GLIS1: variants seen among roughly 807,000 people sequenced by gnomAD.
The protein encoded by GLIS1 is GLIS family zinc finger 1.
A neutral mutation model predicts 63.8 loss-of-function variants in GLIS1; 24 were observed. The ratio of observed to expected loss-of-function variants is 0.38; its 90% CI spans 0.27 to 0.53. The LOEUF (loss-of-function observed/expected upper bound fraction) is 0.53, where lower values mean the gene tolerates loss of function less well. Among genes scored for constraint, GLIS1 ranks in the 20% least tolerant of loss-of-function variants. The pLI, the probability that GLIS1 is intolerant of heterozygous loss-of-function variation, is 0.85. For missense variants in GLIS1, 1,036 were observed against 1,074.1 expected, an observed-to-expected ratio of 0.96 and a Z score of 0.50; for synonymous variants, 450 against 482.5, an observed-to-expected ratio of 0.93 and a Z score of 0.88.
intron 4 of GLIS1, among the ~76,000 whole-genome samples, chr1:53,550,040 G>A (rs1644742902): frequency 6.6e-6 from 1 of 152,232 alleles, no homozygotes; most frequent in African/African-American, 2.4e-5. Flanking sequence ...ATGGGGACAT[G>A]ACTCCCTGAT....
At chr1:53,722,258 C>T (rs147203117) in intron 2 of GLIS1, among the ~76,000 whole-genome samples, 1 of 152,298 alleles carries the variant, frequency 6.6e-6, no homozygotes, top group East Asian at 1.9e-4. Flanking sequence ...GTAATTTCCA[C>T]TTCTGGGAAT....
intron 2 of GLIS1, among the ~76,000 whole-genome samples, chr1:53,717,943 C>T (rs922281049): frequency 1.3e-5 from 2 of 152,308 alleles, no homozygotes; most frequent in Non-Finnish European, 2.9e-5. Flanking sequence ...TCTGCCCATG[C>T]GAAGCATCCA....
intron 2 of GLIS1, among the ~76,000 whole-genome samples, chr1:53,711,745 A>G (rs545043482): frequency 6.6e-6 from 1 of 152,364 alleles, no homozygotes; most frequent in Non-Finnish European, 1.5e-5. Context: ...CACAAGTAGC[A>G]GTCATTGTTA....
intron 2 of GLIS1, among the ~76,000 whole-genome samples, chr1:53,720,115 G>T (rs1371602363): frequency 1.3e-5 from 2 of 152,220 alleles, no homozygotes; most frequent in Non-Finnish European, 2.9e-5. Flanking sequence ...ACCAGAGGTT[G>T]CAATGAGCCA....
Position 53,614,838 on chromosome 1 carries a change from G to GCA in GLIS1, c.260-14562_260-14561dup, listed in dbSNP as rs370365594. On this transcript the variant is annotated intron_variant, in intron 2 of 10. Transcript: ENST00000628545. ...CACACACATACTCTTTCACACACAT[G>GCA]CACACACACGGACTCTCACCCTCTC... Among the ~76,000 whole-genome samples, 70 of 145,926 alleles carry GCA rather than the reference G, an allele frequency of 4.8e-4. 1 individual carries two copies. In the East Asian group the frequency reaches 0.012, roughly 25 times the overall value.
intron 4 of GLIS1, among the ~76,000 whole-genome samples, chr1:53,551,589 A>G (rs1297643488): frequency 2.0e-5 from 3 of 152,144 alleles, no homozygotes; most frequent in Non-Finnish European, 2.9e-5. Flanking sequence ...GTCCTGGGGA[A>G]CCAACAAGAA....
chr1:53,573,769 T>C (rs1645006804), intron 4 of GLIS1, among the ~76,000 whole-genome samples: 1 of 152,188 alleles, frequency 6.6e-6, no homozygotes, highest in Non-Finnish European at 1.5e-5. Flanking sequence ...GGGTCGGAGC[T>C]TCTTGAGGGA....
rs115114779 is a variant in GLIS1 at position 53,524,240 on chromosome 1, C to A, written c.1593+537G>T. On this transcript the variant is annotated intron_variant, in intron 6 of 10. Coordinates refer to ENST00000628545, the MANE Select transcript of GLIS1 (RefSeq NM_001367484.1). ...GCCCCGCGGGCCCACTCCGCGCTCACACCCCTAAACACTGCACCCATGCCT... is the reference window on the plus strand; with the variant it reads ...GCCCCGCGGGCCCACTCCGCGCTCAAACCCCTAAACACTGCACCCATGCCT... Among the ~76,000 whole-genome samples, 1,158 of 152,364 alleles carry A rather than the reference C, an allele frequency of 7.6e-3. 19 individuals are homozygous for A. Among genetic ancestry groups the A allele is most frequent in the African/African-American group, 0.026 (1,083 of 41,592 alleles).
At chr1:53,570,994 A>G (rs890186167) in intron 4 of GLIS1, among the ~76,000 whole-genome samples, 2 of 152,248 alleles carry the variant, frequency 1.3e-5, no homozygotes, top group Non-Finnish European at 2.9e-5. Flanking sequence ...CTACTAAAAA[A>G]AAATACCATC....
intron 7 of GLIS1, among the ~76,000 whole-genome samples, chr1:53,517,030 T>C (rs373310828): frequency 5.9e-5 from 9 of 152,164 alleles, no homozygotes; most frequent in African/African-American, 2.2e-4. Context: ...TTAACCAGCT[T>C]GACAAGTGTC....
chr1:53,651,371 C>A (rs2100328333), intron 2 of GLIS1, among the ~76,000 whole-genome samples: 1 of 152,370 alleles, frequency 6.6e-6, no homozygotes, highest in Admixed American at 6.5e-5. Context: ...AGGGCTCCTA[C>A]TGCCAGCCCT....
intron 3 of GLIS1, among the ~76,000 whole-genome samples, chr1:53,595,875 T>G (rs1645250698): frequency 6.6e-6 from 1 of 152,208 alleles, no homozygotes; most frequent in Non-Finnish European, 1.5e-5. Flanking sequence ...GAAAAGCTTC[T>G]GAGGGGTCCC....
intron 4 of GLIS1, among the ~76,000 whole-genome samples, chr1:53,538,187 C>T (rs535121354): frequency 3.9e-5 from 6 of 152,280 alleles, no homozygotes; most frequent in African/African-American, 9.6e-5. Flanking sequence ...AAGAATGGAA[C>T]GGACAGACGG....
At chr1:53,721,307 C>T (rs1646751720) in intron 2 of GLIS1, among the ~76,000 whole-genome samples, 1 of 152,182 alleles carries the variant, frequency 6.6e-6, no homozygotes, top group South Asian at 2.1e-4. Flanking sequence ...AGTTCCTTCC[C>T]TCCTCCACAT....
chr1:53,718,919 C>G (rs1038198684), intron 2 of GLIS1, among the ~76,000 whole-genome samples: 24 of 152,336 alleles, frequency 1.6e-4, no homozygotes, highest in Admixed American at 1.5e-3. Context: ...GTCTCAGACC[C>G]CTGACTCTGT....
At position 53,509,978 on chromosome 1, in the gene GLIS1, C is replaced by CTGAAGGGGGTGAGCAG; in HGVS notation, c.1932_1933insCTGCTCACCCCCTTCA (p.Gly645LeufsTer71). The stretch of plus-strand genomic sequence containing the variant: ...GAGGATGGGGGCAGCGGCGGTGGCC[C>CTGAAGGGGGTGAGCAG]CAGCCCCTTCAGGGGGCTGACTATT... On this transcript the variant is annotated frameshift_variant, in exon 9 of 11. Transcript: ENST00000628545. LOFTEE classifies it high-confidence loss of function. The CTGAAGGGGGTGAGCAG allele has an allele frequency of 1.5e-6, 2 of 1,290,576 alleles. No homozygotes were observed. The highest frequency in any genetic ancestry group is 2.0e-6 in the Non-Finnish European group (2 of 1,010,958). 79.9% of individuals were successfully genotyped at this position (1,290,576 alleles called of 1,614,324 possible). A position where few individuals can be genotyped will look rare whatever the true frequency, so the allele number is the denominator to read the frequency against.
intron 2 of GLIS1, among the ~76,000 whole-genome samples, chr1:53,726,675 A>G (rs1038995038): frequency 6.6e-6 from 1 of 152,062 alleles, no homozygotes; most frequent in Non-Finnish European, 1.5e-5. Context: ...GACCTGTCAG[A>G]GAGATGCACC....
chr1:53,617,186 T>C (rs1645491507), intron 2 of GLIS1, among the ~76,000 whole-genome samples: 2 of 152,074 alleles, frequency 1.3e-5, no homozygotes, highest in Admixed American at 6.5e-5. Flanking sequence ...CTGGAAATCA[T>C]GGGGGTGGAT....
At chr1:53,733,446 A>G (rs181840721) in intron 2 of GLIS1, among the ~76,000 whole-genome samples, 1 of 152,338 alleles carries the variant, frequency 6.6e-6, no homozygotes, top group Admixed American at 6.5e-5. Context: ...TAAGCACGCT[A>G]CAGGTAAACT....
Sources: allele counts gnomAD v4.1 joint callset (sites outside exome capture counted in the v4.1 genomes callset), GRCh38; gene constraint gnomAD v4.1.1; transcripts MANE v1.5; gene names NCBI Gene and HGNC (gene_info 2026-07-23, HGNC 2026-07-21).